ZNF722: variants seen among roughly 807,000 people sequenced by gnomAD.
ZNF722 encodes the protein zinc finger protein 722.
At chr7:64,004,425 A>AAAAATATATAT in the ZNF722 span, among the ~76,000 whole-genome samples, 94 of 61,102 alleles carry the variant, frequency 1.5e-3, 1 homozygote, top group South Asian at 2.5e-3. Context: ...AAAAAAAAAA[A>AAAAATATATAT]ATATATATAT....
chr7:64,003,266 T>C, the ZNF722 span, among the ~76,000 whole-genome samples: 258 of 150,766 alleles, frequency 1.7e-3, 2 homozygotes, highest in African/African-American at 6.1e-3. Flanking sequence ...ATTTTAATAG[T>C]TATGGAGAAG....
At chr7:64,001,549 A>G in the ZNF722 span, among the ~76,000 whole-genome samples, 31 of 152,320 alleles carry the variant, frequency 2.0e-4, no homozygotes, top group African/African-American at 7.2e-4. Context: ...TGCTGTAATA[A>G]ACATACATGT....
chr7:64,005,733 C>T, the ZNF722 span: 1 of 1,565,384 alleles, frequency 6.4e-7, no homozygotes. Context: ...AACCTGGTCT[C>T]CCTGGGTGAG....
chr7:64,003,285 T>C, the ZNF722 span, among the ~76,000 whole-genome samples: 1 of 151,812 alleles, frequency 6.6e-6, no homozygotes, highest in South Asian at 2.1e-4. Flanking sequence ...AGCTCATTGT[T>C]CTCTCATTGC....
the ZNF722 span, among the ~76,000 whole-genome samples, chr7:64,000,052 T>C: frequency 6.6e-6 from 1 of 151,782 alleles, no homozygotes; most frequent in African/African-American, 2.4e-5. Flanking sequence ...AAAAAATCAA[T>C]CCACCTCAGC....
the ZNF722 span, chr7:64,015,618 A>G: frequency 6.8e-6 from 11 of 1,613,734 alleles, no homozygotes; most frequent in Non-Finnish European, 8.5e-6. Flanking sequence ...CTCAACACTT[A>G]CTAACCACAA....
chr7:64,015,294 AC>A, the ZNF722 span: 10 of 1,260,614 alleles, frequency 7.9e-6, no homozygotes, highest in African/African-American at 1.5e-5. Context: ...TAGACATGAA[AC>A]AAGATATACT....
the ZNF722 span, among the ~76,000 whole-genome samples, chr7:64,005,172 G>A: frequency 2.6e-5 from 4 of 152,176 alleles, no homozygotes; most frequent in Non-Finnish European, 4.4e-5. Flanking sequence ...GGTGGCTCAC[G>A]CCTGTAGTCT....
the ZNF722 span, among the ~76,000 whole-genome samples, chr7:64,017,842 A>G: frequency 1.4e-4 from 21 of 152,326 alleles, no homozygotes; most frequent in Middle Eastern, 0.014. Flanking sequence ...ATTTATAATT[A>G]CATTCGAGCT....
At chr7:64,012,548 A>G in the ZNF722 span, among the ~76,000 whole-genome samples, 6 of 152,064 alleles carry the variant, frequency 3.9e-5, no homozygotes, top group African/African-American at 7.2e-5. Flanking sequence ...CTGCAGGACA[A>G]GTGATCCTTC....
At chr7:64,014,323 A>G in the ZNF722 span, among the ~76,000 whole-genome samples, 1 of 152,024 alleles carries the variant, frequency 6.6e-6, no homozygotes, top group East Asian at 1.9e-4. Flanking sequence ...TTAAAAATTA[A>G]TATATACATC....
At chr7:64,015,943 G>T in the ZNF722 span, 1 of 1,305,996 alleles carries the variant, frequency 7.7e-7, no homozygotes, top group East Asian at 2.4e-5. Context: ...TAGCCCTCAG[G>T]CCTTATAATA....
chr7:63,999,847 G>A, the ZNF722 span, among the ~76,000 whole-genome samples: 121 of 151,438 alleles, frequency 8.0e-4, no homozygotes, highest in African/African-American at 2.7e-3. Flanking sequence ...ACAGGAGCCC[G>A]CCACGACCAG....
chr7:64,015,157 G>C, the ZNF722 span: 12 of 1,397,680 alleles, frequency 8.6e-6, no homozygotes, highest in Admixed American at 1.7e-4. Context: ...TGCTGTAAAA[G>C]TGTGGGTGAG....
At chr7:64,010,314 A>T in the ZNF722 span, among the ~76,000 whole-genome samples, 2 of 151,836 alleles carry the variant, frequency 1.3e-5, no homozygotes, top group Non-Finnish European at 2.9e-5. Flanking sequence ...TTGCTTCTCT[A>T]GTTCCTTTAA....
chr7:63,999,870 A>G, the ZNF722 span, among the ~76,000 whole-genome samples: 3 of 151,554 alleles, frequency 2.0e-5, no homozygotes, highest in African/African-American at 7.3e-5. Context: ...TAATTTTTGT[A>G]TTTTTAGTAG....
the ZNF722 span, chr7:64,005,623 A>G: frequency 8.4e-7 from 1 of 1,196,834 alleles, no homozygotes; most frequent in Non-Finnish European, 1.2e-6. Context: ...GACTGTTGAC[A>G]TTCAGAGACA....
the ZNF722 span, among the ~76,000 whole-genome samples, chr7:64,017,688 A>G: frequency 6.6e-6 from 1 of 152,238 alleles, no homozygotes; most frequent in African/African-American, 2.4e-5. Context: ...GTTTATACTA[A>G]ATATTTTTGT....
the ZNF722 span, among the ~76,000 whole-genome samples, chr7:64,000,132 T>TGTG: frequency 0.033 from 4,639 of 139,714 alleles, 167 homozygotes; most frequent in East Asian, 0.16. Context: ...TTTTTTTTTT[T>TGTG]TGTGTGTGTG....
Sources: allele counts gnomAD v4.1 joint callset (sites outside exome capture counted in the v4.1 genomes callset), GRCh38; gene constraint gnomAD v4.1.1; transcripts MANE v1.5; gene names NCBI Gene and HGNC (gene_info 2026-07-23, HGNC 2026-07-21).